The following CAMK4 variants were observed in gnomAD, a reference collection of about 807,000 sequenced individuals.
CAMK4 encodes calcium/calmodulin-dependent protein kinase type IV.
In CAMK4, 22 loss-of-function variants were observed where a neutral mutation model predicts 44.9. The ratio of observed to expected loss-of-function variants is 0.49; its 90% CI spans 0.35 to 0.70. CAMK4 has a LOEUF of 0.70. Ranked by LOEUF, CAMK4 falls within the 30% of genes least tolerant of loss-of-function variation. The probability of loss-of-function intolerance (pLI) is 0.01; values close to 1 mark genes in which losing one functional copy is unlikely to be tolerated. For missense variants in CAMK4, 498 were observed against 586.8 expected (o/e 0.85, Z 1.56); for synonymous variants, 218 against 215.4 (o/e 1.01, Z -0.11).
intron 1 of CAMK4, among the ~76,000 whole-genome samples, chr5:111,317,898 T>TCAAAAAAA (rs1748495095): frequency 1.4e-5 from 1 of 69,820 alleles, no homozygotes; most frequent in African/African-American, 5.2e-5. Context: ...GAGTAATATG[T>TCAAAAAAA]AAAAAAAAAA....
chr5:111,453,834 T>C (rs1338236521), intron 7 of CAMK4, among the ~76,000 whole-genome samples: 4 of 152,144 alleles, frequency 2.6e-5, no homozygotes, highest in African/African-American at 9.7e-5. Context: ...GTGAACAGTT[T>C]AGGATTGCCT....
chr5:111,456,360 G>T lies in CAMK4; in HGVS notation c.625+7157G>T, dbSNP rs558202314. On this transcript the variant is annotated intron_variant, in intron 7 of 10. Transcript: ENST00000282356. ...CAAAAAATTAGCCGGGCATGATGGCGAGCACCTGTAGTCCCAGCTACTCGG... is the reference window on the plus strand; with the variant it reads ...CAAAAAATTAGCCGGGCATGATGGCTAGCACCTGTAGTCCCAGCTACTCGG... Among the ~76,000 whole-genome samples the T allele has an allele frequency of 7.2e-5, 11 of 152,044 alleles. No individual in the cohort carries two copies. In the South Asian group the frequency reaches 1.2e-3, roughly 17 times the overall value.
At chr5:111,377,139 T>C (rs1751242363) in intron 4 of CAMK4, among the ~76,000 whole-genome samples, 197 bp downstream of exon 4, 1 of 152,098 alleles carries the variant, frequency 6.6e-6, no homozygotes, top group South Asian at 2.1e-4. Flanking sequence ...ACTTGAGATA[T>C]TTAGTGAGTA....
At chr5:111,368,147 A>G (rs1750868728) in intron 2 of CAMK4, among the ~76,000 whole-genome samples, 1 of 152,056 alleles carries the variant, frequency 6.6e-6, no homozygotes, top group Non-Finnish European at 1.5e-5. Context: ...TCTTCAAGGT[A>G]TTTTGTAGAT....
At position 111,482,555 on chromosome 5, in the gene CAMK4, C is replaced by G; in HGVS notation, c.829-230C>G. ...ACTTCTGTTGGAAAGCCGTCTGCCA[C>G]TTTGGGGGTCTCAGGTGGTACATGG... is the stretch of plus-strand genomic sequence containing the variant. On this transcript the variant is annotated intron_variant, in intron 9 of 10. Coordinates refer to ENST00000282356, the MANE Select transcript of CAMK4 (RefSeq NM_001744.6). The surrounding 1 kb of genome is among the most constrained non-coding windows in gnomAD (Gnocchi z 4.9). The G allele has an allele frequency of 3.0e-6, 1 of 336,532 alleles. No individual in the cohort carries two copies. 20.8% of individuals were successfully genotyped at this position (336,532 alleles called of 1,614,324 possible). A position where few individuals can be genotyped will look rare whatever the true frequency, so the allele number is the denominator to read the frequency against.
intron 4 of CAMK4, among the ~76,000 whole-genome samples, chr5:111,387,626 A>C (rs933995730): frequency 5.3e-5 from 8 of 152,198 alleles, no homozygotes; most frequent in African/African-American, 1.9e-4. Flanking sequence ...GTTCCCCATG[A>C]TAGTGAACAT....
chr5:111,227,220 A>C (rs1748233393), intron 1 of CAMK4, among the ~76,000 whole-genome samples: 1 of 152,232 alleles, frequency 6.6e-6, no homozygotes, highest in South Asian at 2.1e-4. Context: ...ATAGAGCCAG[A>C]GAATGCAACA....
At chr5:111,308,769 A>G (rs929522066) in intron 1 of CAMK4, among the ~76,000 whole-genome samples, 2 of 152,232 alleles carry the variant, frequency 1.3e-5, no homozygotes, top group African/African-American at 2.4e-5. Flanking sequence ...GAATTCGTTA[A>G]AAGTGCCTTC....
rs1554053042 is a variant in CAMK4, at chr5:111,228,509, G to GGGGT, written c.161+3866_161+3867insGGTG. ...AACCAAATAGATTTCCATAGTAAGG[G>GGGGT]GTGTGTGTGTGTGTGTGTGTGTGTG... is the stretch of plus-strand genomic sequence containing the variant. On this transcript the variant is annotated intron_variant, in intron 1 of 10. Transcript: ENST00000282356. Among the ~76,000 whole-genome samples, 19 of 145,354 alleles carry GGGGT rather than the reference G, an allele frequency of 1.3e-4. 1 individual carries two copies. The highest frequency in any genetic ancestry group is 4.0e-4 in the East Asian group (2 of 4,984).
intron 5 of CAMK4, among the ~76,000 whole-genome samples, chr5:111,399,602 A>T (rs1188469758): frequency 6.6e-6 from 1 of 152,204 alleles, no homozygotes; most frequent in East Asian, 1.9e-4. Flanking sequence ...ATTGATGAAA[A>T]CATGAAGAAA....
intron 4 of CAMK4, among the ~76,000 whole-genome samples, chr5:111,392,423 C>A (rs1451515744): frequency 6.6e-6 from 1 of 152,074 alleles, no homozygotes; most frequent in Admixed American, 6.6e-5. Context: ...TCCCACTGGG[C>A]CCCTCCTCCA....
rs1166567683 is a variant in CAMK4 at position 111,494,151 on chromosome 5, A to G, written c.*9685A>G. 1 of 152,194 alleles carries G rather than the reference A, an allele frequency of 6.6e-6. No homozygotes were observed. Among genetic ancestry groups the G allele is most frequent in the Non-Finnish European group, 1.5e-5 (1 of 68,034 alleles). 9.4% of individuals were successfully genotyped at this position (152,194 alleles called of 1,614,324 possible). ...TAATGGAACAGCACTGCATACAGGA[A>G]AGCTACATCTCCAATAGTTTAGGCT... is the stretch of plus-strand genomic sequence containing the variant. On this transcript the variant is annotated 3_prime_UTR_variant, in exon 11 of 11. Coordinates refer to ENST00000282356, the MANE Select transcript of CAMK4 (RefSeq NM_001744.6).
At chr5:111,320,267 G>A (rs891467363) in intron 1 of CAMK4, among the ~76,000 whole-genome samples, 1 of 152,100 alleles carries the variant, frequency 6.6e-6, no homozygotes, top group Admixed American at 6.6e-5. Flanking sequence ...TCTTATCATC[G>A]TGGGGATAGT....
At chr5:111,259,720 C>T (rs1193413080) in intron 1 of CAMK4, among the ~76,000 whole-genome samples, 1 of 152,084 alleles carries the variant, frequency 6.6e-6, no homozygotes, top group African/African-American at 2.4e-5. Context: ...CAAAAAGTTC[C>T]CCTGTATAAA....
intron 1 of CAMK4, among the ~76,000 whole-genome samples, chr5:111,297,316 C>A (rs1217181179): frequency 6.6e-6 from 1 of 152,116 alleles, no homozygotes; most frequent in East Asian, 1.9e-4. Context: ...CTTAATAACT[C>A]ATTTATAAGT....
intron 1 of CAMK4, among the ~76,000 whole-genome samples, chr5:111,314,596 T>C (rs1748341712): frequency 6.6e-6 from 1 of 152,096 alleles, no homozygotes; most frequent in Non-Finnish European, 1.5e-5. Flanking sequence ...AAGCTGATAG[T>C]TAAAAATGTG....
intron 1 of CAMK4, among the ~76,000 whole-genome samples, chr5:111,329,414 A>T (rs766789557): frequency 6.6e-6 from 1 of 151,630 alleles, no homozygotes; most frequent in East Asian, 2.0e-4. Flanking sequence ...AGAGTATTCA[A>T]TTAGGAAAAG....
intron 1 of CAMK4, among the ~76,000 whole-genome samples, chr5:111,311,982 G>A (rs375893516): frequency 5.9e-5 from 9 of 152,252 alleles, no homozygotes; most frequent in Non-Finnish European, 8.8e-5. Flanking sequence ...TCATATTTTA[G>A]AAAAGTCAAA....
At chr5:111,352,507 A>G (rs981783235) in intron 2 of CAMK4, among the ~76,000 whole-genome samples, 6 of 152,092 alleles carry the variant, frequency 3.9e-5, no homozygotes, top group Admixed American at 2.0e-4. Context: ...ATAACATAAC[A>G]TCACAGACTG....
Sources: allele counts gnomAD v4.1 joint callset (sites outside exome capture counted in the v4.1 genomes callset), GRCh38; gene constraint gnomAD v4.1.1; non-coding constraint Gnocchi (gnomAD v3.1); transcripts MANE v1.5; gene names NCBI Gene and HGNC (gene_info 2026-07-23, HGNC 2026-07-21).